SIN3A: variants seen among roughly 807,000 people sequenced by gnomAD.
The protein encoded by SIN3A is paired amphipathic helix protein Sin3a.
A neutral mutation model predicts 146.1 loss-of-function variants in SIN3A; 14 were observed. That is an observed-to-expected ratio of 0.10 (90% CI 0.06 to 0.15). The LOEUF (loss-of-function observed/expected upper bound fraction) is 0.15. Ranked by LOEUF, SIN3A falls within the 10% of genes least tolerant of loss-of-function variation. The pLI is 1.00. For synonymous variants in SIN3A, 572 were observed against 572.0 expected, an observed-to-expected ratio of 1.00 and a Z score of 0.00; for missense variants, 1,028 against 1,576.0, an observed-to-expected ratio of 0.65 and a Z score of 5.89.
intron 1 of SIN3A, among the ~76,000 whole-genome samples, chr15:75,435,623 A>C (rs1313055808): frequency 6.6e-6 from 1 of 151,218 alleles, no homozygotes; most frequent in Non-Finnish European, 1.5e-5. Context: ...ACTCGAACCC[A>C]GGAGGTAGAG....
chr15:75,394,443 T>C lies in SIN3A; in HGVS notation c.2277+237A>G, dbSNP rs184223087. ...AGAAGTGGAAAATGGAGGCAGGAGG[T>C]ATAAGTTGAAACCAGGACAGTAAAC... On this transcript the variant is annotated intron_variant, in intron 14 of 20. Transcript: ENST00000394947. 2.5e-3 allele frequency among the ~76,000 whole-genome samples: 374 copies of C among 152,018 alleles called. 1 individual carries two copies. The highest frequency in any genetic ancestry group is 8.4e-3 in the African/African-American group (350 of 41,450).
chr15:75,418,081 G>C (rs1478635826), intron 3 of SIN3A, among the ~76,000 whole-genome samples: 1 of 151,830 alleles, frequency 6.6e-6, no homozygotes, highest in East Asian at 1.9e-4. Flanking sequence ...TCCCAGGCTG[G>C]AGTGCAAAGG....
At chr15:75,389,917 T>G (rs1451343242) in intron 15 of SIN3A, 96 bp from the exon 16 acceptor site, 83 of 1,166,438 alleles carry the variant, frequency 7.1e-5, no homozygotes, top group Non-Finnish European at 1.0e-4. Context: ...AAATGGCATT[T>G]GAAAGTATGA....
intron 4 of SIN3A, 73 bp downstream of exon 4, chr15:75,414,132 A>G: frequency 1.4e-6 from 1 of 705,228 alleles, no homozygotes; most frequent in Admixed American, 3.5e-5. Context: ...CTTCCAGTAA[A>G]TAAACTATAT....
chr15:75,403,470 C>A (rs1455694927), intron 9 of SIN3A, among the ~76,000 whole-genome samples: 1 of 151,708 alleles, frequency 6.6e-6, no homozygotes, highest in African/African-American at 2.4e-5. Context: ...AAACTGAGAT[C>A]TCGGAGTATA....
At chr15:75,431,641 C>T (rs565682907) in intron 1 of SIN3A, among the ~76,000 whole-genome samples, 5 of 135,976 alleles carry the variant, frequency 3.7e-5, no homozygotes, top group South Asian at 2.4e-4. Context: ...ATCTGAAATA[C>T]GGTTAAGTTA....
chr15:75,425,301 G>A (rs536341091), intron 2 of SIN3A, among the ~76,000 whole-genome samples: 2 of 152,316 alleles, frequency 1.3e-5, no homozygotes, highest in South Asian at 4.1e-4. Context: ...CTCCTGAGTA[G>A]CTGGGATTAC....
At chr15:75,435,957 C>G (rs1030234245) in intron 1 of SIN3A, among the ~76,000 whole-genome samples, 2 of 148,732 alleles carry the variant, frequency 1.3e-5, no homozygotes, top group African/African-American at 5.0e-5. Flanking sequence ...ATGACCCTGT[C>G]TCTACAAAAT....
At chr15:75,418,353 T>G (rs943572348) in intron 3 of SIN3A, among the ~76,000 whole-genome samples, 2 of 144,112 alleles carry the variant, frequency 1.4e-5, no homozygotes, top group Non-Finnish European at 3.0e-5. Flanking sequence ...TGAGACATGG[T>G]CTCACTCTGT....
At chr15:75,437,684 C>T (rs2074130836) in intron 1 of SIN3A, among the ~76,000 whole-genome samples, 1 of 152,154 alleles carries the variant, frequency 6.6e-6, no homozygotes, top group Non-Finnish European at 1.5e-5. Flanking sequence ...ACAAAGTCAG[C>T]CACAAAAGTA....
intron 9 of SIN3A, among the ~76,000 whole-genome samples, chr15:75,402,826 G>C (rs899306048): frequency 2.0e-5 from 3 of 152,096 alleles, no homozygotes; most frequent in East Asian, 2.0e-4. Context: ...GTAGAGACGA[G>C]GTTTCACCGT....
At chr15:75,375,130 A>G (rs185318400) in intron 20 of SIN3A, among the ~76,000 whole-genome samples, 1 of 152,310 alleles carries the variant, frequency 6.6e-6, no homozygotes, top group African/African-American at 2.4e-5. Context: ...TCTCCTTAAA[A>G]TTCTTATGTT....
chr15:75,412,065 A>G lies in SIN3A; in HGVS notation c.757-322T>C, dbSNP rs540116528. 1.5e-3 allele frequency among the ~76,000 whole-genome samples: 221 copies of G among 152,370 alleles called. 1 individual carries two copies. Among genetic ancestry groups the G allele is most frequent in the African/African-American group, 5.1e-3 (211 of 41,590 alleles). On this transcript the variant is annotated intron_variant, in intron 5 of 20. Transcript: ENST00000394947. ...GTACACATAGAAAAAATCTCATTCT[A>G]CATAGCCTTTTGATGTCAACAACAA...
chr15:75,435,850 C>T (rs1350785371), intron 1 of SIN3A, among the ~76,000 whole-genome samples: 1 of 152,060 alleles, frequency 6.6e-6, no homozygotes, highest in Non-Finnish European at 1.5e-5. Context: ...TGTGCCTGGG[C>T]ACAGTGATTC....
intron 1 of SIN3A, among the ~76,000 whole-genome samples, chr15:75,445,342 C>G (rs2074285946): frequency 7.6e-6 from 1 of 131,028 alleles, no homozygotes; most frequent in African/African-American, 3.0e-5. Context: ...GATCGCGCTA[C>G]TGTACTCCAG....
upstream of SIN3A, chr15:75,454,014 A>C (rs1333465986): frequency 6.6e-6 from 1 of 152,238 alleles, no homozygotes; most frequent in Non-Finnish European, 1.5e-5. Context: ...AGCGCGCTCA[A>C]GAGCGGAGGG....
intron 12 of SIN3A, among the ~76,000 whole-genome samples, chr15:75,397,900 T>C (rs947911503): frequency 6.6e-6 from 1 of 152,218 alleles, no homozygotes; most frequent in Admixed American, 6.5e-5. Flanking sequence ...CTTCTTTAGC[T>C]TGATAACACT....
At chr15:75,453,106 C>T (rs920680978), upstream of SIN3A, 2 of 152,252 alleles carry the variant, frequency 1.3e-5, no homozygotes, top group African/African-American at 4.8e-5. Context: ...TAGAACCCTC[C>T]TCCCAGAGAG....
intron 15 of SIN3A, 73 bp downstream of exon 15, chr15:75,392,169 A>T: frequency 7.8e-7 from 1 of 1,290,030 alleles, no homozygotes; most frequent in Non-Finnish European, 1.1e-6. Context: ...TAAAAGAAGC[A>T]GTCCCAAGTC....
Sources: gnomAD v4.1 joint callset for allele counts (sites outside exome capture counted in the v4.1 genomes callset) on GRCh38, gnomAD v4.1.1 for gene constraint, MANE v1.5 for transcripts, NCBI Gene and HGNC (gene_info 2026-07-23, HGNC 2026-07-21) for gene names.